The following CSMD3 variants were observed in gnomAD, a reference collection of about 807,000 sequenced individuals.
The protein encoded by CSMD3 is CUB and sushi domain-containing protein 3.
In CSMD3, 177 loss-of-function variants were observed where a neutral mutation model predicts 435.2. That is an observed-to-expected ratio of 0.41 (90% CI 0.36 to 0.46). The LOEUF is 0.46. Ranked by LOEUF, CSMD3 falls within the 20% of genes least tolerant of loss-of-function variation. The pLI is 0.34. For synonymous variants in CSMD3, 1,656 were observed against 1,520.5 expected, an observed-to-expected ratio of 1.09 and a Z score of -2.07; for missense variants, 4,265 against 4,504.6, an observed-to-expected ratio of 0.95 and a Z score of 1.52.
chr8:112,949,699 G>A (rs902226791), intron 8 of CSMD3, among the ~76,000 whole-genome samples: 1 of 151,948 alleles, frequency 6.6e-6, no homozygotes, highest in Non-Finnish European at 1.5e-5. Context: ...AATACCAGAG[G>A]AGGACTAAAC....
chr8:112,537,035 G>A (rs956912005), intron 27 of CSMD3, among the ~76,000 whole-genome samples: 3 of 151,968 alleles, frequency 2.0e-5, no homozygotes, highest in Non-Finnish European at 4.4e-5. Context: ...AGGGGGAAGG[G>A]GGAGGGATAG....
At chr8:113,131,895 A>G (rs959790021) in intron 4 of CSMD3, among the ~76,000 whole-genome samples, 2 of 152,086 alleles carry the variant, frequency 1.3e-5, no homozygotes, top group African/African-American at 4.8e-5. Context: ...AGTTCTCACT[A>G]TTTTGCTCAG....
intron 22 of CSMD3, among the ~76,000 whole-genome samples, chr8:112,633,507 TA>T (rs781311121): frequency 1.1e-4 from 17 of 152,088 alleles, no homozygotes; most frequent in Non-Finnish European, 1.8e-4. Flanking sequence ...TGGAATGAGA[TA>T]TTACACGACA....
rs538305911 is a variant in CSMD3 at position 112,568,647 on chromosome 8, A to G, written c.4042+4854T>C. ...CTGTCTAGTGTGGTATGGTATTTTC[A>G]TACTAGGTATGCATATAATTTATTT... On this transcript the variant is annotated intron_variant, in intron 24 of 70. Transcript: ENST00000297405. Among the ~76,000 whole-genome samples, 12 of 152,254 alleles carry G rather than the reference A, an allele frequency of 7.9e-5. No homozygotes were observed. In the South Asian group the frequency reaches 2.5e-3, roughly 32 times the overall value.
chr8:112,955,530 ATCT>A (rs1441544581), intron 7 of CSMD3, among the ~76,000 whole-genome samples: 4 of 151,804 alleles, frequency 2.6e-5, no homozygotes, highest in African/African-American at 4.8e-5. Flanking sequence ...AATATTCCAA[ATCT>A]TCTAGCTATT....
At chr8:113,413,502 C>T (rs958835598) in intron 1 of CSMD3, among the ~76,000 whole-genome samples, 3 of 152,018 alleles carry the variant, frequency 2.0e-5, no homozygotes, top group African/African-American at 7.2e-5. Context: ...TTACTTTGTT[C>T]CAGATCTAAT....
intron 7 of CSMD3, among the ~76,000 whole-genome samples, chr8:112,962,708 T>C (rs902182775): frequency 6.6e-6 from 1 of 151,974 alleles, no homozygotes; most frequent in African/African-American, 2.4e-5. Flanking sequence ...TGGTTGTATT[T>C]AATGCAGTGT....
chr8:112,694,108 C>T (rs1240831353), intron 13 of CSMD3, among the ~76,000 whole-genome samples: 1 of 151,226 alleles, frequency 6.6e-6, no homozygotes, highest in Non-Finnish European at 1.5e-5. Flanking sequence ...GTGAAGGTAT[C>T]TACTCTAATT....
chr8:112,540,479 C>T (rs907388342), intron 27 of CSMD3, among the ~76,000 whole-genome samples: 2 of 151,978 alleles, frequency 1.3e-5, no homozygotes. Context: ...GATAGCTGCA[C>T]GTGCATGTTT....
At chr8:112,303,722 T>G (rs1442954847) in intron 52 of CSMD3, among the ~76,000 whole-genome samples, 1 of 152,142 alleles carries the variant, frequency 6.6e-6, no homozygotes, top group Non-Finnish European at 1.5e-5. Flanking sequence ...ATATAGAGAT[T>G]CAAAAAATAA....
chr8:112,474,584 G>T (rs908152793), intron 31 of CSMD3, among the ~76,000 whole-genome samples: 2 of 152,152 alleles, frequency 1.3e-5, no homozygotes, highest in African/African-American at 4.8e-5. Flanking sequence ...GAGAAAAGGA[G>T]ATTAGAAATA....
intron 37 of CSMD3, among the ~76,000 whole-genome samples, chr8:112,382,626 A>C (rs1435777838): frequency 7.2e-5 from 11 of 152,236 alleles, no homozygotes; most frequent in Non-Finnish European, 1.5e-5. Context: ...TTAACAAAGT[A>C]AAACTTTTTA....
At chr8:113,153,096 GA>G (rs879450296) in intron 4 of CSMD3, among the ~76,000 whole-genome samples, 2 of 83,558 alleles carry the variant, frequency 2.4e-5, no homozygotes, top group African/African-American at 1.1e-4. Context: ...AAGAAAGAAA[GA>G]AAGAAAAGAA....
chr8:112,998,330 C>T (rs1021653675), intron 6 of CSMD3, among the ~76,000 whole-genome samples: 2 of 151,824 alleles, frequency 1.3e-5, no homozygotes, highest in African/African-American at 4.8e-5. Flanking sequence ...AAATCACATC[C>T]CAGGACACCT....
At chr8:112,485,374 T>C (rs1183089703) in intron 31 of CSMD3, among the ~76,000 whole-genome samples, 1 of 152,172 alleles carries the variant, frequency 6.6e-6, no homozygotes, top group African/African-American at 2.4e-5. Flanking sequence ...CCACTAAGCA[T>C]TTGTTTTATG....
At chr8:112,689,803 A>G (rs1236599357) in intron 14 of CSMD3, 65 bp downstream of exon 14, 2 of 1,411,118 alleles carry the variant, frequency 1.4e-6, no homozygotes, top group East Asian at 4.6e-5. Context: ...AATTAATTAC[A>G]AAAGCAATTA....
rs555501882 is a variant in CSMD3 at position 112,808,195 on chromosome 8, G to A, written c.1860-7921C>T. Among the ~76,000 whole-genome samples, 5 of 152,242 alleles carry A rather than the reference G, an allele frequency of 3.3e-5. No homozygotes were observed. The East Asian group carries it at 9.7e-4, about 29-fold the overall frequency. On this transcript the variant is annotated intron_variant, in intron 12 of 70. Coordinates refer to ENST00000297405, the MANE Select transcript of CSMD3 (RefSeq NM_198123.2). ...ATGTCTACAAAAAGTAAGATATTTT[G>A]TCTAGTTATAGTATATATGATGTTT...
intron 13 of CSMD3, among the ~76,000 whole-genome samples, chr8:112,769,698 T>C (rs1226052833): frequency 6.6e-6 from 1 of 151,988 alleles, no homozygotes; most frequent in Non-Finnish European, 1.5e-5. Context: ...GATATTTTGG[T>C]TGTCTTGTAA....
chr8:112,946,376 T>C (rs2083610659), intron 9 of CSMD3, among the ~76,000 whole-genome samples: 5 of 151,734 alleles, frequency 3.3e-5, no homozygotes, highest in African/African-American at 9.7e-5. Context: ...AGGGATATAA[T>C]CTGAATGAAA....
Sources: gnomAD v4.1 joint callset for allele counts (sites outside exome capture counted in the v4.1 genomes callset) on GRCh38, gnomAD v4.1.1 for gene constraint, MANE v1.5 for transcripts, NCBI Gene and HGNC (gene_info 2026-07-23, HGNC 2026-07-21) for gene names.